GDAP2: variants seen among roughly 807,000 people sequenced by gnomAD.
The protein encoded by GDAP2 is ganglioside-induced differentiation-associated protein 2.
In GDAP2, 51 loss-of-function variants were observed where a neutral mutation model predicts 67.0. The observed-to-expected ratio is 0.76, with a 90% CI of 0.61 to 0.96. GDAP2 has a LOEUF of 0.96. Among genes scored for constraint, GDAP2 ranks in the 40% least tolerant of loss-of-function variants. GDAP2 has a pLI of 0.00. For missense variants in GDAP2, 547 were observed against 588.3 expected (o/e 0.93, Z 0.73); for synonymous variants, 203 against 207.3 (o/e 0.98, Z 0.18).
intron 11 of GDAP2, chr1:117,883,281 T>C (rs1470616625): frequency 4.3e-6 from 2 of 466,034 alleles, no homozygotes; most frequent in Non-Finnish European, 7.7e-6. Context: ...ATTGGTAATG[T>C]AAAAAGTTTA....
intron 8 of GDAP2, among the ~76,000 whole-genome samples, chr1:117,889,746 T>C (rs751918093): frequency 6.6e-5 from 10 of 152,106 alleles, no homozygotes; most frequent in Non-Finnish European, 5.9e-5. Context: ...ATAGAGTTTA[T>C]TATGTTTTTT....
chr1:117,890,030 T>C (rs1223652192), intron 8 of GDAP2, among the ~76,000 whole-genome samples: 1 of 152,056 alleles, frequency 6.6e-6, no homozygotes, highest in Non-Finnish European at 1.5e-5. Flanking sequence ...CTGAGATGAA[T>C]TAAAAAAGGC....
chr1:117,868,921 C>T lies in GDAP2; in HGVS notation c.*1648G>A, dbSNP rs1648164799. On this transcript the variant is annotated 3_prime_UTR_variant, in exon 14 of 14. Transcript: ENST00000369443. ...GTTCAATACATGCAAAAGATAAGAA[C>T]CTTTATCTAAAAAATGTAAAGTCTC... 2 of 151,970 alleles carry T rather than the reference C, an allele frequency of 1.3e-5. No homozygotes were observed. Among genetic ancestry groups the T allele is most frequent in the Non-Finnish European group, 2.9e-5 (2 of 67,976 alleles). The allele number at this position is 151,970 out of a possible 1,614,324, so 9.4% of individuals were successfully genotyped here.
intron 1 of GDAP2, among the ~76,000 whole-genome samples, chr1:117,926,829 GCAAA>G (rs1229638719): frequency 6.6e-6 from 1 of 152,104 alleles, no homozygotes. Context: ...GTGATAGAAT[GCAAA>G]CAGATTGCTT....
chr1:117,909,674 C>T (rs1649782910), intron 5 of GDAP2, among the ~76,000 whole-genome samples: 2 of 152,082 alleles, frequency 1.3e-5, no homozygotes, highest in Non-Finnish European at 2.9e-5. Context: ...TCAAATGTGC[C>T]CACTTTTTAA....
chr1:117,899,254 A>G (rs1242109729), intron 6 of GDAP2, 38 bp from the exon 7 acceptor site: 2 of 1,508,124 alleles, frequency 1.3e-6, no homozygotes, highest in Non-Finnish European at 1.8e-6. Flanking sequence ...GAAAAATAGA[A>G]CAAAACAAAG....
chr1:117,886,707 T>C, intron 9 of GDAP2, 54 bp from the exon 10 acceptor site: 1 of 898,838 alleles, frequency 1.1e-6, no homozygotes. Flanking sequence ...AGAATACTAT[T>C]TGTCTTGGGC....
chr1:117,894,677 G>C (rs1183239907), intron 8 of GDAP2, among the ~76,000 whole-genome samples: 1 of 152,114 alleles, frequency 6.6e-6, no homozygotes, highest in African/African-American at 2.4e-5. Flanking sequence ...TGGACTAGTT[G>C]CTTTTTTTCA....
At chr1:117,904,050 A>T (rs187973541) in intron 6 of GDAP2, among the ~76,000 whole-genome samples, 1 of 150,912 alleles carries the variant, frequency 6.6e-6, no homozygotes, top group East Asian at 2.0e-4. Context: ...TCAGTGGCGT[A>T]ATCTCAGCTC....
intron 6 of GDAP2, among the ~76,000 whole-genome samples, chr1:117,906,178 T>C (rs1481644997): frequency 6.6e-6 from 1 of 152,220 alleles, no homozygotes; most frequent in Non-Finnish European, 1.5e-5. Context: ...GCACAGTAGT[T>C]TTCCAGTTAT....
intron 6 of GDAP2, among the ~76,000 whole-genome samples, chr1:117,901,617 A>G (rs967673035): frequency 6.6e-6 from 1 of 152,214 alleles, no homozygotes; most frequent in Non-Finnish European, 1.5e-5. Context: ...CTAATGGTTA[A>G]TGGTGTGGAG....
chr1:117,878,261 ATAAC>A, intron 12 of GDAP2, 109 bp from the exon 13 acceptor site: 2 of 555,188 alleles, frequency 3.6e-6, no homozygotes, highest in Non-Finnish European at 3.1e-6. Flanking sequence ...AAGTCTTAAA[ATAAC>A]TAGTGTTTTC....
intron 8 of GDAP2, among the ~76,000 whole-genome samples, chr1:117,893,460 C>G (rs142511046): frequency 1.4e-4 from 22 of 152,272 alleles, no homozygotes; most frequent in Admixed American, 3.9e-4. Flanking sequence ...TGACATAAAA[C>G]TATTGCCAAT....
In GDAP2 at chr1:117,918,938, T is replaced by C. The variant is rs151025255; in HGVS notation, c.177-202A>G. Among the ~76,000 whole-genome samples, 28 of 152,332 alleles carry C rather than the reference T, an allele frequency of 1.8e-4. No individual in the cohort carries two copies. In the East Asian group the frequency reaches 4.6e-3, roughly 25 times the overall value. On this transcript the variant is annotated intron_variant, in intron 2 of 13. Transcript: ENST00000369443. The stretch of plus-strand genomic sequence containing the variant: ...ATCTTTAATGCAATTGTTATAACCC[T>C]GAAACTCACAAAACCACCATGTTTA...
At chr1:117,928,209 C>A (rs114284721) in intron 1 of GDAP2, among the ~76,000 whole-genome samples, 2,282 of 152,214 alleles carry the variant, frequency 0.015, 24 homozygotes, top group South Asian at 0.039. Flanking sequence ...CACCTTAGAG[C>A]AGGAATATTG....
chr1:117,918,865 A>G, intron 2 of GDAP2, 129 bp from the exon 3 acceptor site: 1 of 712,580 alleles, frequency 1.4e-6, no homozygotes, highest in East Asian at 2.8e-5. Context: ...CAAGCTAAGC[A>G]ATAGTAGAAA....
rs1452251298 is a variant in GDAP2 at position 117,868,133 on chromosome 1, C to T, written c.*2436G>A. The T allele has an allele frequency of 1.3e-5, 2 of 152,176 alleles. No individual in the cohort carries two copies. The highest frequency in any genetic ancestry group is 2.9e-5 in the Non-Finnish European group (2 of 68,028). The allele number at this position is 152,176 out of a possible 1,614,324, so 9.4% of individuals were successfully genotyped here. A position where few individuals can be genotyped will look rare whatever the true frequency, so the allele number is the denominator to read the frequency against. On this transcript the variant is annotated 3_prime_UTR_variant, in exon 14 of 14. Coordinates refer to ENST00000369443, the MANE Select transcript of GDAP2 (RefSeq NM_017686.4). ...ATGGCATGTATTATTCAGGCTAAAC[C>T]TTTTCACAAAGGCAGATTGGTATAC...
At position 117,863,490 on chromosome 1, in the gene GDAP2, T is replaced by C. The variant is rs1180470309; in HGVS notation, c.*7079A>G. The C allele has an allele frequency of 2.0e-5, 3 of 152,200 alleles. No individual in the cohort carries two copies. The highest frequency in any genetic ancestry group is 4.4e-5 in the Non-Finnish European group (3 of 68,032). The allele number at this position is 152,200 out of a possible 1,614,324, so 9.4% of individuals were successfully genotyped here. On this transcript the variant is annotated 3_prime_UTR_variant, in exon 14 of 14. Transcript: ENST00000369443. Reference sequence around the variant, plus strand: ...TAATGCTAAGTTGAGCCCAATGGTCTGAATATTCCTTTACTGTAGCACAAT... The same window carrying C: ...TAATGCTAAGTTGAGCCCAATGGTCCGAATATTCCTTTACTGTAGCACAAT...
In GDAP2 at chr1:117,912,340, T is replaced by G. The variant is rs145611500; in HGVS notation, c.470+190A>C. ...GTTAAATTCTCAAGTCACTCAAATC[T>G]ATCCCATTTATCCCGCTAAGTTTGA... On this transcript the variant is annotated intron_variant, in intron 4 of 13. Coordinates refer to ENST00000369443, the MANE Select transcript of GDAP2 (RefSeq NM_017686.4). Among the ~76,000 whole-genome samples, 122 of 152,310 alleles carry G rather than the reference T, an allele frequency of 8.0e-4. 1 individual carries two copies. The highest frequency in any genetic ancestry group is 6.8e-3 in the Middle Eastern group (2 of 294).
Sources: allele counts gnomAD v4.1 joint callset (sites outside exome capture counted in the v4.1 genomes callset), GRCh38; gene constraint gnomAD v4.1.1; transcripts MANE v1.5; gene names NCBI Gene and HGNC (gene_info 2026-07-23, HGNC 2026-07-21).